The following FBN1 variants were observed in gnomAD, a reference collection of about 807,000 sequenced individuals.
FBN1 encodes the protein fibrillin 1, also known as fibrillin-1.
FBN1 carries 29 observed loss-of-function variants against 365.1 expected under a neutral mutation model. The observed-to-expected ratio is 0.08, with a 90% CI of 0.06 to 0.11. The LOEUF is 0.11. Among genes scored for constraint, FBN1 ranks in the 10% least tolerant of loss-of-function variants. FBN1 has a pLI of 1.00. For synonymous variants in FBN1, 1,210 were observed against 1,270.5 expected (o/e 0.95, Z 1.01); for missense variants, 2,476 against 3,703.2 (o/e 0.67, Z 8.60).
chr15:48,589,304 C>T (rs1450734451), intron 6 of FBN1, among the ~76,000 whole-genome samples: 1 of 152,104 alleles, frequency 6.6e-6, no homozygotes, highest in African/African-American at 2.4e-5. Flanking sequence ...ACAAAGTGGG[C>T]CGAGAGGGAC....
At chr15:48,606,357 CCAAA>C (rs751636323) in intron 4 of FBN1, among the ~76,000 whole-genome samples, 87 of 152,176 alleles carry the variant, frequency 5.7e-4, no homozygotes, top group African/African-American at 2.0e-3. Flanking sequence ...AGGTGAATGG[CCAAA>C]CAAACTTGTG....
At chr15:48,621,305 T>A (rs952331464) in intron 2 of FBN1, among the ~76,000 whole-genome samples, 1 of 152,094 alleles carries the variant, frequency 6.6e-6, no homozygotes, top group African/African-American at 2.4e-5. Context: ...TCCTGACAAA[T>A]CCTATCTCAG....
rs763708195 is a variant in FBN1 at position 48,503,779 on chromosome 15, C to T, written c.2113+8G>A. 6 of 1,613,500 alleles carry T rather than the reference C, an allele frequency of 3.7e-6. No individual in the cohort carries two copies. The highest frequency in any genetic ancestry group is 5.1e-6 in the Non-Finnish European group (6 of 1,179,898). ...GCAGTACGAGGGCATCTCCATGATA[C>T]CACATACCTGAATTCTGTGCAGGAC... is the stretch of plus-strand genomic sequence containing the variant. On this transcript the variant is annotated splice_region_variant and intron_variant, in intron 17 of 65. Coordinates refer to ENST00000316623, the MANE Select transcript of FBN1 (RefSeq NM_000138.5).
At chr15:48,459,196 T>C (rs1333531341) in intron 43 of FBN1, among the ~76,000 whole-genome samples, 2 of 152,234 alleles carry the variant, frequency 1.3e-5, no homozygotes, top group Non-Finnish European at 2.9e-5. Context: ...GCCTGGTTGG[T>C]CCGTGGAGAA....
intron 6 of FBN1, among the ~76,000 whole-genome samples, chr15:48,570,429 T>C (rs550230068): frequency 6.6e-6 from 1 of 152,032 alleles, no homozygotes; most frequent in South Asian, 2.1e-4. Flanking sequence ...TGCAAAAAAT[T>C]TGTTTTGTGC....
At chr15:48,498,355 A>G (rs2043625587) in intron 18 of FBN1, among the ~76,000 whole-genome samples, 1 of 152,208 alleles carries the variant, frequency 6.6e-6, no homozygotes, top group South Asian at 2.1e-4. Context: ...CAGCCAGTCC[A>G]TGTTCTTTCA....
intron 35 of FBN1, among the ~76,000 whole-genome samples, chr15:48,471,003 T>C (rs1248734944): frequency 6.6e-6 from 1 of 152,062 alleles, no homozygotes; most frequent in Admixed American, 6.6e-5. Flanking sequence ...TAGATACATA[T>C]CTCATTTGTA....
rs2044026712 is a variant in FBN1 at position 48,537,782 on chromosome 15, C to A, written c.565G>T (p.Val189Leu). 1.9e-6 allele frequency: 3 copies of A among 1,614,152 alleles called. No individual in the cohort carries two copies. The highest frequency in any genetic ancestry group is 2.5e-6 in the Non-Finnish European group (3 of 1,180,028). ...CCCTGGCACATCTGGTTGCTGATCA[C>A]AGTAAAACATGGGCCTGTCCTGTAA... ...RDYRTGPCFTVISNQMCQGQL... is the reference protein window; with the variant it reads ...RDYRTGPCFTLISNQMCQGQL... Residue 189 changes from valine (V) to leucine (L), a missense_variant, in exon 7 of 66, where the codon GTG becomes TTG. Val to Leu is a conservative substitution (Grantham distance 32). Transcript: ENST00000316623.
chr15:48,579,628 T>C (rs900367376), intron 6 of FBN1, among the ~76,000 whole-genome samples: 3 of 152,176 alleles, frequency 2.0e-5, no homozygotes, highest in African/African-American at 7.2e-5. Flanking sequence ...CGTGGACTTC[T>C]TTCACTAATC....
intron 43 of FBN1, among the ~76,000 whole-genome samples, chr15:48,457,237 G>A (rs1056840165): frequency 6.6e-6 from 1 of 152,158 alleles, no homozygotes. Flanking sequence ...TGTGGCTTTA[G>A]AAAGGAGGTA....
chr15:48,424,540 T>C (rs1341016982), intron 60 of FBN1, among the ~76,000 whole-genome samples: 1 of 152,092 alleles, frequency 6.6e-6, no homozygotes, highest in Admixed American at 6.6e-5. Flanking sequence ...TTAAGCTTTA[T>C]GAGAAAAAAT....
chr15:48,508,179 T>G (rs2043727033), intron 15 of FBN1, among the ~76,000 whole-genome samples: 1 of 152,156 alleles, frequency 6.6e-6, no homozygotes. Flanking sequence ...TCTACACTAT[T>G]CTGTCCAGGT....
chr15:48,525,614 C>G (rs565453886), intron 9 of FBN1, among the ~76,000 whole-genome samples: 3 of 152,302 alleles, frequency 2.0e-5, no homozygotes, highest in African/African-American at 7.2e-5. Context: ...TGGACACAGA[C>G]TGAAAACCAC....
At chr15:48,436,587 A>G (rs911591542) in intron 53 of FBN1, among the ~76,000 whole-genome samples, 1 of 152,224 alleles carries the variant, frequency 6.6e-6, no homozygotes, top group Admixed American at 6.5e-5. Context: ...AATCCAGATA[A>G]AATTTTTATT....
chr15:48,508,689 C>T lies in FBN1; in HGVS notation c.1730G>A (p.Ser577Asn), dbSNP rs1455205553. Residue 577 changes from serine to asparagine, a missense_variant, in exon 15 of 66, where the codon AGC (serine) becomes AAC (asparagine). Physicochemically the swap from Ser to Asn is conservative, Grantham distance 46. Around this residue, in one of 5 missense-constraint regions of FBN1, gnomAD observed 1,780 missense variants for 2,840.8 expected, o/e 0.63. Transcript: ENST00000316623. ...TCCATTAAGGCACATGTTCCTTATG[C>T]TGCATTCATCCATATCTGAAAATAC... ...GKNCEDMDECSIRNMCLNGMC... is the reference protein window; with the variant it reads ...GKNCEDMDECNIRNMCLNGMC... The T allele has an allele frequency of 6.2e-7, 1 of 1,613,564 alleles. No individual in the cohort carries two copies. The highest frequency in any genetic ancestry group is 8.5e-7 in the Non-Finnish European group (1 of 1,179,680).
chr15:48,558,494 A>C (rs954013680), intron 6 of FBN1, among the ~76,000 whole-genome samples: 8 of 152,176 alleles, frequency 5.3e-5, no homozygotes, highest in African/African-American at 1.9e-4. Flanking sequence ...AGCAAAGCAT[A>C]GTTTTTTTTG....
chr15:48,579,298 T>C (rs1053048418), intron 6 of FBN1, among the ~76,000 whole-genome samples: 11 of 152,188 alleles, frequency 7.2e-5, no homozygotes, highest in African/African-American at 2.7e-4. Flanking sequence ...AATAAATTCT[T>C]AAAAATTCCA....
In FBN1 at chr15:48,465,799, T is replaced by C; in HGVS notation, c.4807A>G (p.Ile1603Val). The change falls in exon 39 of 66, where the codon ATA becomes GTA. Residue 1603 changes from isoleucine to valine, a missense_variant. By Grantham distance (29) the Ile-to-Val change is conservative. Around this residue, in one of 5 missense-constraint regions of FBN1, gnomAD observed 1,780 missense variants for 2,840.8 expected, o/e 0.63. Transcript: ENST00000316623. Reference sequence around the variant, plus strand: ...AAGGAAACACAATTACCTTCCAATATAACGGTGATAGGATTTGGTCGGAAA... The same window carrying C: ...AAGGAAACACAATTACCTTCCAATACAACGGTGATAGGATTTGGTCGGAAA... ...EGFRPNPITV[I>V]LEDIDECQEL... is the part of the protein sequence containing the mutation. 6.2e-7 allele frequency: 1 copy of C among 1,613,660 alleles called. No individual in the cohort carries two copies. The highest frequency in any genetic ancestry group is 8.5e-7 in the Non-Finnish European group (1 of 1,179,586).
At chr15:48,468,658 A>C in intron 36 of FBN1, 124 bp from the exon 37 acceptor site, 1 of 928,898 alleles carries the variant, frequency 1.1e-6, no homozygotes, top group East Asian at 2.6e-5. Flanking sequence ...TTATAACTAC[A>C]TCTAGAAATG....
Sources: allele counts gnomAD v4.1 joint callset (sites outside exome capture counted in the v4.1 genomes callset), GRCh38; gene constraint gnomAD v4.1.1; regional missense constraint gnomAD v4.1.1; transcripts MANE v1.5; gene names NCBI Gene and HGNC (gene_info 2026-07-23, HGNC 2026-07-21).